Variants in IQCH observed in about 807,000 individuals in gnomAD.
The protein encoded by IQCH is IQ motif containing H, also known as IQ domain-containing protein H.
IQCH carries 98 observed loss-of-function variants against 117.0 expected under a neutral mutation model. That is an observed-to-expected ratio of 0.84 (90% CI 0.71 to 0.99). The LOEUF (loss-of-function observed/expected upper bound fraction) is 0.99, where lower values mean the gene tolerates loss of function less well. Ranked by LOEUF, IQCH falls within the 50% of genes least tolerant of loss-of-function variation. The pLI, the probability that IQCH is intolerant of heterozygous loss-of-function variation, is 0.00. For missense variants in IQCH, 1,102 were observed against 1,243.8 expected, an observed-to-expected ratio of 0.89 and a Z score of 1.72; for synonymous variants, 412 against 448.2, an observed-to-expected ratio of 0.92 and a Z score of 1.02.
At chr15:67,352,065 C>T (rs1328595350) in intron 6 of IQCH, among the ~76,000 whole-genome samples, 1 of 151,900 alleles carries the variant, frequency 6.6e-6, no homozygotes, top group Non-Finnish European at 1.5e-5. Context: ...TTATTGTCTT[C>T]TTTTGAATAG....
chr15:67,330,308 C>T (rs763875612), intron 4 of IQCH, among the ~76,000 whole-genome samples: 3 of 152,186 alleles, frequency 2.0e-5, no homozygotes, highest in Non-Finnish European at 4.4e-5. Context: ...ATAAAAATTA[C>T]TTGCCCTGTG....
chr15:67,302,837 A>G (rs1967113265), intron 4 of IQCH, among the ~76,000 whole-genome samples: 1 of 152,224 alleles, frequency 6.6e-6, no homozygotes, highest in African/African-American at 2.4e-5. Flanking sequence ...AGCCTGGGTG[A>G]CAGAGCGAGA....
rs1171051442 is a variant in IQCH at position 67,472,298 on chromosome 15, G to T, written c.2677-3398G>T. Among the ~76,000 whole-genome samples, 1 of 152,236 alleles carries T rather than the reference G, an allele frequency of 6.6e-6. No homozygotes were observed. Among genetic ancestry groups the T allele is most frequent in the Non-Finnish European group, 1.5e-5 (1 of 68,034 alleles). On this transcript the variant is annotated intron_variant, in intron 17 of 20. Coordinates refer to ENST00000335894, the MANE Select transcript of IQCH (RefSeq NM_001031715.3). The surrounding 1 kb of genome is among the most constrained non-coding windows in gnomAD (Gnocchi z 4.3). ...CAGACTGGAGCACAGAACTGGGGAA[G>T]TGGGAAGCAGGAGAAGTAGTTGGAA... is the stretch of plus-strand genomic sequence containing the variant.
In IQCH at chr15:67,356,401, A is replaced by G. The variant is rs1293150542; in HGVS notation, c.638-944A>G. Among the ~76,000 whole-genome samples the G allele has an allele frequency of 6.6e-6, 1 of 152,132 alleles. No homozygotes were observed. The highest frequency in any genetic ancestry group is 1.5e-5 in the Non-Finnish European group (1 of 68,026). On this transcript the variant is annotated intron_variant, in intron 6 of 20. Coordinates refer to ENST00000335894, the MANE Select transcript of IQCH (RefSeq NM_001031715.3). This position sits in a 1 kb window ranked among gnomAD's most constrained non-coding sequence, Gnocchi z 5.3. ...CTGAAAAGGCTCTGCTATTTTTCCT[A>G]CTCTTTAAAAAAGAGCTGAAGATAT...
Position 67,318,800 on chromosome 15 carries a change from T to C in IQCH, c.388-18175T>C, listed in dbSNP as rs147588492. On this transcript the variant is annotated intron_variant, in intron 4 of 20. Coordinates refer to ENST00000335894, the MANE Select transcript of IQCH (RefSeq NM_001031715.3). ...AAGTCAATGGGAAAGGGAGGACTTGTTAGATGAATGGTGCCAAGTCACTTG... is the reference window on the plus strand; with the variant it reads ...AAGTCAATGGGAAAGGGAGGACTTGCTAGATGAATGGTGCCAAGTCACTTG... Among the ~76,000 whole-genome samples the C allele has an allele frequency of 1.4e-3, 206 of 152,296 alleles. 1 individual carries two copies. Among genetic ancestry groups the C allele is most frequent in the African/African-American group, 4.8e-3 (201 of 41,556 alleles).
intron 6 of IQCH, among the ~76,000 whole-genome samples, chr15:67,352,465 C>A (rs1288154762): frequency 6.6e-6 from 1 of 151,972 alleles, no homozygotes; most frequent in Non-Finnish European, 1.5e-5. Context: ...AAATTATATT[C>A]TTTCAATTTC....
intron 6 of IQCH, among the ~76,000 whole-genome samples, chr15:67,351,026 C>A (rs1969636969): frequency 6.6e-6 from 1 of 152,158 alleles, no homozygotes; most frequent in East Asian, 1.9e-4. Context: ...AGATATGCTG[C>A]ACATCACTGA....
chr15:67,315,158 A>G (rs992684588), intron 4 of IQCH, among the ~76,000 whole-genome samples: 3 of 152,224 alleles, frequency 2.0e-5, no homozygotes, highest in African/African-American at 4.8e-5. Flanking sequence ...GAGGAGAGCT[A>G]TCATGGTCAA....
rs540601402 is a variant in IQCH at position 67,389,697 on chromosome 15, A to G, written c.1632+691A>G. Among the ~76,000 whole-genome samples the G allele has an allele frequency of 7.9e-4, 120 of 152,308 alleles. 1 individual carries two copies. Among genetic ancestry groups the G allele is most frequent in the Middle Eastern group, 3.4e-3 (1 of 294 alleles). On this transcript the variant is annotated intron_variant, in intron 12 of 20. Coordinates refer to ENST00000335894, the MANE Select transcript of IQCH (RefSeq NM_001031715.3). ...CCAACAGTTTAATACCTAATGGACTATGCATTTTTGAGGAGACTTTTTTTG... is the reference window on the plus strand; with the variant it reads ...CCAACAGTTTAATACCTAATGGACTGTGCATTTTTGAGGAGACTTTTTTTG...
intron 14 of IQCH, among the ~76,000 whole-genome samples, chr15:67,415,094 A>C (rs543660254): frequency 6.6e-6 from 1 of 152,278 alleles, no homozygotes; most frequent in Admixed American, 6.5e-5. Flanking sequence ...AGAAAGATGG[A>C]TTTGGGGGAC....
Position 67,421,288 on chromosome 15 carries a change from CA to C in IQCH, c.2219-2del, listed in dbSNP as rs1173176609. ...TTCACCTACTCCATGTTTTTCCCAC[CA>C]GGGGGTGTGATCGAAGCATTCCCAC... On this transcript the variant is annotated splice_acceptor_variant, in intron 15 of 20. Transcript: ENST00000335894. LOFTEE classifies it high-confidence loss of function. 8 of 1,612,016 alleles carry C rather than the reference CA, an allele frequency of 5.0e-6. No individual in the cohort carries two copies. Among genetic ancestry groups the C allele is most frequent in the African/African-American group, 1.3e-5 (1 of 74,910 alleles).
In IQCH at chr15:67,481,176, T is replaced by A. The variant is rs532472177; in HGVS notation, c.2799+5358T>A. Among the ~76,000 whole-genome samples, 5 of 152,328 alleles carry A rather than the reference T, an allele frequency of 3.3e-5. No homozygotes were observed. The highest frequency in any genetic ancestry group is 1.2e-4 in the African/African-American group (5 of 41,594). On this transcript the variant is annotated intron_variant, in intron 18 of 20. Transcript: ENST00000335894. This position sits in a 1 kb window ranked among gnomAD's most constrained non-coding sequence, Gnocchi z 4.1. The stretch of plus-strand genomic sequence containing the variant: ...CAGAGTATGAATCCAACAAAGATTA[T>A]GGCATCCAGTACTGTATTAGTCTGT...
intron 7 of IQCH, among the ~76,000 whole-genome samples, chr15:67,358,691 T>C (rs1219849151): frequency 6.6e-6 from 1 of 152,176 alleles, no homozygotes; most frequent in East Asian, 1.9e-4. Context: ...GCTTACCTTA[T>C]GTGGAAAGTG....
intron 3 of IQCH, among the ~76,000 whole-genome samples, chr15:67,268,251 C>T (rs557182258): frequency 2.0e-5 from 3 of 152,256 alleles, no homozygotes; most frequent in African/African-American, 2.4e-5. Flanking sequence ...GTGGTGATAA[C>T]GAATGCCAGC....
At chr15:67,382,422 A>T (rs1031769004) in intron 10 of IQCH, among the ~76,000 whole-genome samples, 76 of 152,190 alleles carry the variant, frequency 5.0e-4, no homozygotes, top group Non-Finnish European at 1.6e-4. Context: ...CCTTAATTCC[A>T]TTAGCAACTT....
chr15:67,313,329 C>A (rs11071947), intron 4 of IQCH, among the ~76,000 whole-genome samples: 102,465 of 151,974 alleles, frequency 0.67, 35,136 homozygotes, highest in Middle Eastern at 0.83. Flanking sequence ...CATAGGTATA[C>A]CACTTAGTCT....
At chr15:67,352,404 A>T (rs751515753) in intron 6 of IQCH, among the ~76,000 whole-genome samples, 14 of 151,986 alleles carry the variant, frequency 9.2e-5, no homozygotes, top group Non-Finnish European at 1.3e-4. Flanking sequence ...TTTGCTCTTC[A>T]TTCCTTGTTG....
intron 16 of IQCH, among the ~76,000 whole-genome samples, chr15:67,444,498 G>C (rs2082350058): frequency 6.6e-6 from 1 of 152,126 alleles, no homozygotes; most frequent in African/African-American, 2.4e-5. Flanking sequence ...TAGCCTGCTA[G>C]GTGAGAAATA....
intron 4 of IQCH, among the ~76,000 whole-genome samples, chr15:67,306,605 AAG>A (rs1967308891): frequency 6.6e-6 from 1 of 152,112 alleles, no homozygotes; most frequent in Non-Finnish European, 1.5e-5. Flanking sequence ...TCCTGATAAT[AAG>A]AGGCTGATGC....
Sources: gnomAD v4.1 joint callset for allele counts (sites outside exome capture counted in the v4.1 genomes callset) on GRCh38, gnomAD v4.1.1 for gene constraint, Gnocchi (gnomAD v3.1) non-coding constraint, MANE v1.5 for transcripts, NCBI Gene and HGNC (gene_info 2026-07-23, HGNC 2026-07-21) for gene names.